Variants in RASSF8 observed in about 807,000 individuals in gnomAD.
The protein encoded by RASSF8 is Ras association domain family member 8.
A neutral mutation model predicts 48.5 loss-of-function variants in RASSF8; 22 were observed. The ratio of observed to expected loss-of-function variants is 0.45; its 90% CI spans 0.32 to 0.65. RASSF8 has a LOEUF of 0.65. RASSF8 is among the 30% of genes least tolerant of loss of function. RASSF8 has a pLI of 0.03. For missense variants in RASSF8, 418 were observed against 489.2 expected (o/e 0.85, Z 1.37); for synonymous variants, 127 against 171.5 (o/e 0.74, Z 2.03).
chr12:25,958,831 C>T lies in RASSF8; in HGVS notation c.-520C>T, dbSNP rs1053249540. The T allele has an allele frequency of 2.0e-5, 3 of 147,096 alleles. No individual in the cohort carries two copies. The highest frequency in any genetic ancestry group is 4.5e-5 in the Non-Finnish European group (3 of 66,078). 9.1% of individuals were successfully genotyped at this position (147,096 alleles called of 1,614,324 possible). A position where few individuals can be genotyped will look rare whatever the true frequency, so the allele number is the denominator to read the frequency against. On this transcript the variant is annotated 5_prime_UTR_variant, in exon 1 of 6. Transcript: ENST00000689635. ...GCCTCGCCGAGCCTCGCCCTTCCCG[C>T]CCGCGGCGGCGTTGGCGCTGGGGGC...
intron 2 of RASSF8, among the ~76,000 whole-genome samples, chr12:25,997,846 C>A (rs1044169575): frequency 1.3e-5 from 2 of 152,002 alleles, no homozygotes; most frequent in Non-Finnish European, 2.9e-5. Flanking sequence ...ATTTTATTTC[C>A]GTTTTTAGAA....
chr12:26,046,665 A>G (rs894006233), intron 2 of RASSF8, among the ~76,000 whole-genome samples: 2 of 49,390 alleles, frequency 4.0e-5, no homozygotes, highest in Non-Finnish European at 9.0e-5. Context: ...AGGAGACCCC[A>G]TCTCTTTAAA....
At chr12:25,994,105 A>G (rs1207277879) in intron 1 of RASSF8, among the ~76,000 whole-genome samples, 1 of 152,100 alleles carries the variant, frequency 6.6e-6, no homozygotes, top group African/African-American at 2.4e-5. Flanking sequence ...TGGTGTTTGA[A>G]ATGTGTATGT....
chr12:26,058,956 G>A (rs1490154073), intron 3 of RASSF8, among the ~76,000 whole-genome samples: 3 of 152,166 alleles, frequency 2.0e-5, no homozygotes, highest in Admixed American at 6.5e-5. Context: ...TGCACTCGGA[G>A]TTTGTCACTG....
intron 1 of RASSF8, among the ~76,000 whole-genome samples, chr12:25,974,825 C>T (rs1308420122): frequency 6.6e-6 from 1 of 151,984 alleles, no homozygotes; most frequent in Non-Finnish European, 1.5e-5. Context: ...CTGAATGTAG[C>T]GTGGGTAGGG....
chr12:25,980,230 G>T (rs1328170750), intron 1 of RASSF8, among the ~76,000 whole-genome samples: 1 of 152,084 alleles, frequency 6.6e-6, no homozygotes, highest in African/African-American at 2.4e-5. Flanking sequence ...TTGTTCTTTG[G>T]CTAGGTGGGC....
At chr12:25,974,245 G>T (rs150225557) in intron 1 of RASSF8, among the ~76,000 whole-genome samples, 63 of 152,120 alleles carry the variant, frequency 4.1e-4, no homozygotes, top group Middle Eastern at 3.4e-3. Context: ...TCATACAAGC[G>T]GAGGAGGTGA....
chr12:26,058,182 T>C (rs1943652470), intron 3 of RASSF8, among the ~76,000 whole-genome samples: 1 of 152,230 alleles, frequency 6.6e-6, no homozygotes, highest in Non-Finnish European at 1.5e-5. Context: ...TACAAATGTT[T>C]TATGATATTC....
intron 2 of RASSF8, among the ~76,000 whole-genome samples, chr12:26,015,161 C>T (rs1037141129): frequency 6.6e-6 from 1 of 150,506 alleles, no homozygotes; most frequent in African/African-American, 2.4e-5. Context: ...GAGCTGAGAT[C>T]GTGCCATCGT....
At chr12:26,045,425 A>G (rs1278216647) in intron 2 of RASSF8, among the ~76,000 whole-genome samples, 3 of 152,174 alleles carry the variant, frequency 2.0e-5, no homozygotes, top group Non-Finnish European at 4.4e-5. Flanking sequence ...CAGGGGCTCA[A>G]ATTTTCCTTA....
At chr12:26,012,338 T>C (rs1380290745) in intron 2 of RASSF8, among the ~76,000 whole-genome samples, 1 of 152,228 alleles carries the variant, frequency 6.6e-6, no homozygotes, top group Non-Finnish European at 1.5e-5. Flanking sequence ...CTCAGGCATT[T>C]AATATTTAAA....
intron 3 of RASSF8, among the ~76,000 whole-genome samples, chr12:26,058,282 C>T (rs528290283): frequency 1.3e-5 from 2 of 152,132 alleles, no homozygotes; most frequent in Admixed American, 6.5e-5. Context: ...GGCAAGTAGC[C>T]GAGAGCTGTG....
chr12:26,027,402 T>C (rs1942938592), intron 2 of RASSF8, among the ~76,000 whole-genome samples: 1 of 152,228 alleles, frequency 6.6e-6, no homozygotes, highest in Admixed American at 6.5e-5. Flanking sequence ...GCACCGATAA[T>C]TCACCATGGG....
Position 26,070,985 on chromosome 12 carries a change from GT to G in RASSF8, c.*2169del, listed in dbSNP as rs1011295881. 6 of 984,820 alleles carry G rather than the reference GT, an allele frequency of 6.1e-6. No homozygotes were observed. The Admixed American group carries it at 3.7e-4, about 61-fold the overall frequency. 61.0% of individuals were successfully genotyped at this position (984,820 alleles called of 1,614,324 possible). On this transcript the variant is annotated 3_prime_UTR_variant, in exon 6 of 6. Transcript: ENST00000689635. ...CTTGGGTTCCCAGCAGAGTATCACA[GT>G]TAACCTCTCTGACAACTTCATCAGA...
chr12:26,004,104 G>C (rs1942327890), intron 2 of RASSF8, among the ~76,000 whole-genome samples: 1 of 152,198 alleles, frequency 6.6e-6, no homozygotes, highest in South Asian at 2.1e-4. Flanking sequence ...TTGAGCCTGG[G>C]AGGTCAAGGC....
intron 2 of RASSF8, among the ~76,000 whole-genome samples, chr12:26,047,857 G>A (rs1341518422): frequency 6.6e-6 from 1 of 152,212 alleles, no homozygotes; most frequent in African/African-American, 2.4e-5. Flanking sequence ...CTGACCCTGG[G>A]GGGTACACAG....
rs1472027101 is a variant in RASSF8, at chr12:26,068,143, G to A, written c.1138+430G>A. On this transcript the variant is annotated intron_variant, in intron 5 of 5. Coordinates refer to ENST00000689635, the MANE Select transcript of RASSF8 (RefSeq NM_001394098.1). The stretch of plus-strand genomic sequence containing the variant: ...CCTAACATTCATAGCTAATTTTTAA[G>A]TGGGACACTTAAAAATTCTTTTTTT... 6.6e-5 allele frequency among the ~76,000 whole-genome samples: 10 copies of A among 152,056 alleles called. No individual in the cohort carries two copies. The East Asian group carries it at 1.9e-3, about 29-fold the overall frequency.
chr12:26,054,790 C>G (rs1464406805), intron 2 of RASSF8, among the ~76,000 whole-genome samples: 1 of 152,190 alleles, frequency 6.6e-6, no homozygotes, highest in African/African-American at 2.4e-5. Context: ...GATACTTTGA[C>G]AACTGTTCTT....
chr12:25,962,779 T>C (rs1941266545), intron 1 of RASSF8, among the ~76,000 whole-genome samples: 1 of 152,156 alleles, frequency 6.6e-6, no homozygotes, highest in African/African-American at 2.4e-5. Context: ...CTTTTCATGA[T>C]AGAAAAGCCA....
Sources: gnomAD v4.1 joint callset for allele counts (sites outside exome capture counted in the v4.1 genomes callset) on GRCh38, gnomAD v4.1.1 for gene constraint, MANE v1.5 for transcripts, NCBI Gene and HGNC (gene_info 2026-07-23, HGNC 2026-07-21) for gene names.